Variants in HTR2C observed in about 807,000 individuals in gnomAD.
The protein encoded by HTR2C is 5-hydroxytryptamine receptor 2C.
In HTR2C, 5 loss-of-function variants were observed where a neutral mutation model predicts 21.0. The ratio of observed to expected loss-of-function variants is 0.24; its 90% CI spans 0.12 to 0.50. The LOEUF (loss-of-function observed/expected upper bound fraction) is 0.50. Ranked by LOEUF, HTR2C falls within the 20% of genes least tolerant of loss-of-function variation. The pLI is 0.98. For missense variants in HTR2C, 271 were observed against 371.2 expected, an observed-to-expected ratio of 0.73 and a Z score of 2.22; for synonymous variants, 150 against 145.3, an observed-to-expected ratio of 1.03 and a Z score of -0.23.
At chrX:114,749,058 G>A (rs1203054595) in intron 4 of HTR2C, among the ~76,000 whole-genome samples, 1 of 110,195 alleles carries the variant, frequency 9.1e-6, no homozygotes, top group Non-Finnish European at 1.9e-5. Flanking sequence ...TTAAAAATAA[G>A]AAGTTATTTG....
chrX:114,744,577 C>T (rs782456959), intron 4 of HTR2C, among the ~76,000 whole-genome samples: 1 of 108,629 alleles, frequency 9.2e-6, no homozygotes, highest in Non-Finnish European at 1.9e-5. Context: ...CTCAGCCTCC[C>T]GAGTAGCCGG....
intron 4 of HTR2C, among the ~76,000 whole-genome samples, chrX:114,841,012 T>C (rs182480233): frequency 3.8e-4 from 43 of 112,051 alleles, no homozygotes; most frequent in African/African-American, 1.3e-3. Flanking sequence ...CATCAGTCTG[T>C]ATCTTGACAT....
chrX:114,809,334 A>G (rs1556451913), intron 4 of HTR2C, among the ~76,000 whole-genome samples: 1 of 108,643 alleles, frequency 9.2e-6, no homozygotes, highest in Non-Finnish European at 1.9e-5. Context: ...CTCAAGGCCC[A>G]TGGGGCTCTT....
At chrX:114,692,602 T>A (rs1481520402) in intron 2 of HTR2C, among the ~76,000 whole-genome samples, 1 of 110,793 alleles carries the variant, frequency 9.0e-6, no homozygotes, top group Non-Finnish European at 1.9e-5. Context: ...ACTTTTGAGA[T>A]CTATTACTGT....
intron 2 of HTR2C, among the ~76,000 whole-genome samples, chrX:114,649,390 T>C (rs1930472222): frequency 9.0e-6 from 1 of 111,490 alleles, no homozygotes; most frequent in Non-Finnish European, 1.9e-5. Context: ...CAATACAATA[T>C]GGTACAGCAG....
At chrX:114,734,517 AAG>A (rs2069568588) in intron 4 of HTR2C, among the ~76,000 whole-genome samples, 1 of 105,235 alleles carries the variant, frequency 9.5e-6, no homozygotes, top group Non-Finnish European at 1.9e-5. Flanking sequence ...CCAAAGCAAA[AAG>A]AGGGAAAAAT....
chrX:114,658,331 T>C (rs1438004368), intron 2 of HTR2C, among the ~76,000 whole-genome samples: 1 of 111,693 alleles, frequency 9.0e-6, no homozygotes, highest in Non-Finnish European at 1.9e-5. Flanking sequence ...TTAATTAACC[T>C]GTGAAATATA....
intron 2 of HTR2C, among the ~76,000 whole-genome samples, chrX:114,722,564 G>T (rs1244181695): frequency 2.7e-5 from 3 of 109,911 alleles, no homozygotes; most frequent in Non-Finnish European, 3.8e-5. Context: ...GAATAGGAGT[G>T]GTGAGAGAGG....
At chrX:114,836,179 C>A (rs782428504) in intron 4 of HTR2C, among the ~76,000 whole-genome samples, 1 of 109,804 alleles carries the variant, frequency 9.1e-6, no homozygotes, top group African/African-American at 3.3e-5. Context: ...GCCCTGCCCC[C>A]GGAGGTGGAG....
At chrX:114,876,422 CTT>C (rs60498146) in intron 5 of HTR2C, among the ~76,000 whole-genome samples, 1 of 62,386 alleles carries the variant, frequency 1.6e-5, no homozygotes, top group Middle Eastern at 0.014. Context: ...CTTTTTCTTT[CTT>C]TTTTTTTTTT....
intron 3 of HTR2C, among the ~76,000 whole-genome samples, chrX:114,729,105 A>C (rs782075330): frequency 3.9e-4 from 44 of 111,893 alleles, no homozygotes; most frequent in Admixed American, 1.0e-3. Context: ...GCCAGAAAGG[A>C]CTCTGGAAAA....
chrX:114,896,559 C>G lies in HTR2C; in HGVS notation c.551-10030C>G, dbSNP rs189154337. ...GGGAAACACATTTAGGATTTGTATG[C>G]CTTTTGAATTTGTCCTTTTATTATT... On this transcript the variant is annotated intron_variant, in intron 5 of 5. Coordinates refer to ENST00000276198, the MANE Select transcript of HTR2C (RefSeq NM_000868.4). Among the ~76,000 whole-genome samples, 284 of 111,914 alleles carry G rather than the reference C, an allele frequency of 2.5e-3. 1 individual carries two copies. Among genetic ancestry groups the G allele is most frequent in the African/African-American group, 8.7e-3 (270 of 30,869 alleles).
At chrX:114,798,819 T>A (rs1398316960) in intron 4 of HTR2C, among the ~76,000 whole-genome samples, 4 of 111,586 alleles carry the variant, frequency 3.6e-5, no homozygotes, top group African/African-American at 1.3e-4. Context: ...TTTCTCATTC[T>A]ACACAAATCT....
chrX:114,700,170 A>G (rs943353621), intron 2 of HTR2C, among the ~76,000 whole-genome samples: 1 of 111,820 alleles, frequency 8.9e-6, no homozygotes, highest in Admixed American at 9.5e-5. Flanking sequence ...CCTAACTGTA[A>G]ATAGGGCTCA....
At chrX:114,685,207 C>T (rs1397023591) in intron 2 of HTR2C, among the ~76,000 whole-genome samples, 11 of 111,528 alleles carry the variant, frequency 9.9e-5, no homozygotes, top group Non-Finnish European at 1.3e-4. Context: ...ATTAGTGAAC[C>T]AGTTAGCAGC....
At chrX:114,691,453 A>G (rs782348532) in intron 2 of HTR2C, among the ~76,000 whole-genome samples, 79 of 112,058 alleles carry the variant, frequency 7.0e-4, no homozygotes, top group African/African-American at 2.5e-3. Flanking sequence ...CCTGTTTATC[A>G]TATAACACTT....
intron 4 of HTR2C, among the ~76,000 whole-genome samples, chrX:114,766,715 A>C (rs2069950933): frequency 9.0e-6 from 1 of 111,670 alleles, no homozygotes; most frequent in African/African-American, 3.2e-5. Context: ...TAATCATTAA[A>C]AGTTAGTTTC....
intron 4 of HTR2C, among the ~76,000 whole-genome samples, chrX:114,814,702 A>G (rs1401135240): frequency 9.5e-6 from 1 of 105,379 alleles, no homozygotes; most frequent in African/African-American, 3.4e-5. Context: ...GTGTTCATCT[A>G]CCAAGTTTCA....
intron 2 of HTR2C, among the ~76,000 whole-genome samples, chrX:114,621,768 G>A (rs1929174910): frequency 8.9e-6 from 1 of 112,112 alleles, no homozygotes; most frequent in Non-Finnish European, 1.9e-5. Flanking sequence ...AATGGATTGT[G>A]GCCTGAGAAG....
Sources: gnomAD v4.1 joint callset for allele counts (sites outside exome capture counted in the v4.1 genomes callset) on GRCh38, gnomAD v4.1.1 for gene constraint, MANE v1.5 for transcripts, NCBI Gene and HGNC (gene_info 2026-07-23, HGNC 2026-07-21) for gene names.